Variants in THSD7B observed in about 807,000 individuals in gnomAD.
THSD7B encodes thrombospondin type-1 domain-containing protein 7B.
THSD7B carries 138 observed loss-of-function variants against 213.6 expected under a neutral mutation model. The observed-to-expected ratio is 0.65, with a 90% CI of 0.56 to 0.74. The LOEUF (loss-of-function observed/expected upper bound fraction) is 0.74. Among genes scored for constraint, THSD7B ranks in the 30% least tolerant of loss-of-function variants. The pLI, the probability that THSD7B is intolerant of heterozygous loss-of-function variation, is 0.00. For synonymous variants in THSD7B, 742 were observed against 687.0 expected (o/e 1.08, Z -1.25); for missense variants, 1,931 against 1,991.5 (o/e 0.97, Z 0.58).
chr2:137,453,609 G>A lies in THSD7B; in HGVS notation c.3138+2586G>A, dbSNP rs1029025153. On this transcript the variant is annotated intron_variant, in intron 15 of 27. Transcript: ENST00000409968. Reference sequence around the variant, plus strand: ...CTCCCAAAGTGCTGGGATTACAGGCGTGAGCTACTGCACCTGGCTTGAAAT... The same window carrying A: ...CTCCCAAAGTGCTGGGATTACAGGCATGAGCTACTGCACCTGGCTTGAAAT... Among the ~76,000 whole-genome samples the A allele has an allele frequency of 5.9e-5, 9 of 152,070 alleles. No individual in the cohort carries two copies. In the East Asian group the frequency reaches 9.6e-4, roughly 16 times the overall value.
chr2:137,084,223 G>T (rs1687797808), intron 3 of THSD7B, among the ~76,000 whole-genome samples: 1 of 152,084 alleles, frequency 6.6e-6, no homozygotes, highest in Non-Finnish European at 1.5e-5. Flanking sequence ...ACACAGCTAT[G>T]TCTGCTGTAT....
At chr2:137,353,065 T>C (rs1048081576) in intron 12 of THSD7B, among the ~76,000 whole-genome samples, 34 of 152,184 alleles carry the variant, frequency 2.2e-4, no homozygotes, top group African/African-American at 7.5e-4. Context: ...CAACTCTTAA[T>C]TGGCCGAGTT....
chr2:137,367,864 C>T (rs974326953), intron 12 of THSD7B, among the ~76,000 whole-genome samples: 2 of 152,080 alleles, frequency 1.3e-5, no homozygotes, highest in Non-Finnish European at 2.9e-5. Flanking sequence ...TCCATCATGA[C>T]GTTCCCACCC....
intron 2 of THSD7B, among the ~76,000 whole-genome samples, chr2:136,919,883 C>T (rs552077225): frequency 5.9e-5 from 9 of 152,318 alleles, no homozygotes; most frequent in Non-Finnish European, 1.0e-4. Flanking sequence ...GCATAGGGAC[C>T]GGCTCTGTGA....
chr2:137,533,685 T>C (rs966956555), intron 15 of THSD7B, among the ~76,000 whole-genome samples: 2 of 151,926 alleles, frequency 1.3e-5, no homozygotes, highest in Non-Finnish European at 2.9e-5. Flanking sequence ...TAGATTATTA[T>C]ATTTGTTTTA....
chr2:136,920,768 G>A (rs1350366445), intron 2 of THSD7B, among the ~76,000 whole-genome samples: 1 of 152,066 alleles, frequency 6.6e-6, no homozygotes, highest in Non-Finnish European at 1.5e-5. Context: ...GCACCAAGCT[G>A]CCCTCAGCTC....
chr2:137,674,304 C>A (rs1245646444), intron 27 of THSD7B, among the ~76,000 whole-genome samples: 1 of 150,022 alleles, frequency 6.7e-6, no homozygotes, highest in African/African-American at 2.4e-5. Context: ...TTGCTCCCTT[C>A]CCGCAGAAAA....
chr2:136,862,350 T>C (rs2104973410), intron 1 of THSD7B, among the ~76,000 whole-genome samples: 1 of 152,340 alleles, frequency 6.6e-6, no homozygotes, highest in African/African-American at 2.4e-5. Context: ...TCCTATCATC[T>C]AAATCAGTTT....
At chr2:137,644,634 T>C (rs1031386202) in intron 21 of THSD7B, among the ~76,000 whole-genome samples, 8 of 152,242 alleles carry the variant, frequency 5.3e-5, no homozygotes, top group Non-Finnish European at 2.9e-5. Flanking sequence ...AAATTTACTA[T>C]ACTTAAATTT....
intron 7 of THSD7B, among the ~76,000 whole-genome samples, chr2:137,206,682 A>G (rs993844956): frequency 1.3e-5 from 2 of 152,062 alleles, no homozygotes; most frequent in Non-Finnish European, 2.9e-5. Flanking sequence ...TCAGAAAAGC[A>G]TTAGGGACAG....
intron 1 of THSD7B, among the ~76,000 whole-genome samples, chr2:136,853,834 C>T (rs769363241): frequency 3.9e-5 from 6 of 152,026 alleles, no homozygotes; most frequent in Admixed American, 2.6e-4. Context: ...TATATGGACT[C>T]GTGGATTCCT....
chr2:136,953,298 A>T (rs1254409805), intron 2 of THSD7B, among the ~76,000 whole-genome samples: 2 of 152,188 alleles, frequency 1.3e-5, no homozygotes, highest in Admixed American at 6.5e-5. Context: ...TTTCAAGGCT[A>T]GCTAATTCCT....
intron 2 of THSD7B, among the ~76,000 whole-genome samples, chr2:136,994,660 C>T (rs1305747662): frequency 2.0e-5 from 3 of 152,070 alleles, no homozygotes; most frequent in African/African-American, 7.2e-5. Flanking sequence ...CTATAACAAT[C>T]GTTTATGGTG....
At chr2:137,653,019 T>TC (rs1683168810) in intron 21 of THSD7B, among the ~76,000 whole-genome samples, 1 of 152,158 alleles carries the variant, frequency 6.6e-6, no homozygotes, top group Admixed American at 6.6e-5. Flanking sequence ...TCCATGTTTG[T>TC]CCATGTGCTT....
chr2:136,804,567 G>T (rs1020225334), intron 1 of THSD7B, among the ~76,000 whole-genome samples: 4 of 152,106 alleles, frequency 2.6e-5, no homozygotes, highest in African/African-American at 7.2e-5. Context: ...TTAGCTTGGG[G>T]TGTTTCCATA....
intron 2 of THSD7B, among the ~76,000 whole-genome samples, chr2:137,007,362 A>G (rs1473187570): frequency 6.6e-6 from 1 of 152,198 alleles, no homozygotes; most frequent in African/African-American, 2.4e-5. Flanking sequence ...AAATTACACC[A>G]TGAAGCATTT....
chr2:137,602,757 G>A (rs1469812304), intron 17 of THSD7B, among the ~76,000 whole-genome samples: 1 of 152,144 alleles, frequency 6.6e-6, no homozygotes, highest in Non-Finnish European at 1.5e-5. Context: ...TGAGAGTGGA[G>A]TCCCCATGGC....
At chr2:136,864,657 A>G (rs1683305491) in intron 1 of THSD7B, among the ~76,000 whole-genome samples, 1 of 151,688 alleles carries the variant, frequency 6.6e-6, no homozygotes, top group African/African-American at 2.4e-5. Flanking sequence ...GGTTCACATC[A>G]TTCTCCTGCT....
intron 12 of THSD7B, among the ~76,000 whole-genome samples, chr2:137,391,579 TG>T (rs572664663): frequency 4.6e-4 from 70 of 151,544 alleles, no homozygotes; most frequent in Admixed American, 2.2e-3. Context: ...TCCCATCTAT[TG>T]GGAGGCTGAG....
Sources: allele counts gnomAD v4.1 joint callset (sites outside exome capture counted in the v4.1 genomes callset), GRCh38; gene constraint gnomAD v4.1.1; transcripts MANE v1.5; gene names NCBI Gene and HGNC (gene_info 2026-07-23, HGNC 2026-07-21).